Variants in NBPF11 observed in about 807,000 individuals in gnomAD.
The protein encoded by NBPF11 is NBPF member 11, also known as NBPF family member NBPF11.
A neutral mutation model predicts 93.9 loss-of-function variants in NBPF11; 72 were observed. The ratio of observed to expected loss-of-function variants is 0.77; its 90% confidence interval spans 0.63 to 0.93. NBPF11 has a LOEUF of 0.93. NBPF11 is among the 40% of genes least tolerant of loss of function. The pLI, the probability that NBPF11 is intolerant of heterozygous loss-of-function variation, is 0.00. For synonymous variants in NBPF11, 224 were observed against 304.9 expected, an observed-to-expected ratio of 0.73 and a Z score of 2.76; for missense variants, 705 against 802.2, an observed-to-expected ratio of 0.88 and a Z score of 1.46.
chr1:148,144,898 G>A (rs1672751384), intron 1 of NBPF11, among the ~76,000 whole-genome samples: 1 of 150,870 alleles, frequency 6.6e-6, no homozygotes, highest in Non-Finnish European at 1.5e-5. Flanking sequence ...GAGCCCAAGG[G>A]TTTGAGACCA....
At position 148,146,381 on chromosome 1, in the gene NBPF11, G is replaced by C. The variant is rs1342502989; in HGVS notation, c.-548-2695C>G. ...GGGGGCCCCGGTGGAGGCCCGGCCC[G>C]GGCGGCGCCCGCCATGAACGGGCTG... On this transcript the variant is annotated intron_variant, in intron 1 of 23. Coordinates refer to ENST00000682118, the MANE Select transcript of NBPF11 (RefSeq NM_001385469.3). The C allele has an allele frequency of 7.0e-5, 110 of 1,574,122 alleles. 1 individual carries two copies. In the Middle Eastern group the frequency reaches 1.1e-3, roughly 16 times the overall value.
intron 2 of NBPF11, among the ~76,000 whole-genome samples, chr1:148,139,212 C>T (rs1323260101): frequency 5.3e-5 from 8 of 150,870 alleles, no homozygotes; most frequent in Non-Finnish European, 8.8e-5. Flanking sequence ...CTTGTGCTCA[C>T]CAGACAAGGT....
chr1:148,138,028 G>A (rs28672749), intron 2 of NBPF11, among the ~76,000 whole-genome samples: 31 of 151,464 alleles, frequency 2.0e-4, no homozygotes, highest in African/African-American at 4.9e-4. Flanking sequence ...ATTATTGGGC[G>A]TTTCCGGAGA....
At chr1:148,142,046 CAGGGAGGGAGGG>C (rs1423716220) in intron 2 of NBPF11, among the ~76,000 whole-genome samples, 1 of 88,704 alleles carries the variant, frequency 1.1e-5, no homozygotes, top group South Asian at 3.9e-4. Context: ...GGAAGGAAGG[CAGGGAGGGAGGG>C]AGGAAGGGAG....
intron 2 of NBPF11, among the ~76,000 whole-genome samples, chr1:148,138,274 C>T (rs1476269859): frequency 1.3e-5 from 2 of 151,286 alleles, no homozygotes; most frequent in Non-Finnish European, 2.9e-5. Context: ...GGGCTTTACA[C>T]CGAGACATTC....
chr1:148,106,590 G>A lies in NBPF11; in HGVS notation c.2251+352C>T, dbSNP rs1174639747. On this transcript the variant is annotated intron_variant, in intron 20 of 23. Coordinates refer to ENST00000682118, the MANE Select transcript of NBPF11 (RefSeq NM_001385469.3). ...CTCATCAAATGCCCAGCTCGTTCAC[G>A]GATGCAAGAATTTTAGACACTGAAA... 6.4e-5 allele frequency among the ~76,000 whole-genome samples: 9 copies of A among 141,304 alleles called. 2 individuals are homozygous for A. Among genetic ancestry groups the A allele is most frequent in the Non-Finnish European group, 1.1e-4 (7 of 66,048 alleles). 92.7% of individuals were successfully genotyped at this position (141,304 alleles called of 152,430 possible). A position where few individuals can be genotyped will look rare whatever the true frequency, so the allele number is the denominator to read the frequency against.
Position 148,102,325 on chromosome 1 carries a change from C to G in NBPF11, c.*1571G>C, listed in dbSNP as rs1334627639. 1 of 151,834 alleles carries G rather than the reference C, an allele frequency of 6.6e-6. No homozygotes were observed. Among genetic ancestry groups the G allele is most frequent in the African/African-American group, 2.4e-5 (1 of 41,144 alleles). 9.4% of individuals were successfully genotyped at this position (151,834 alleles called of 1,614,324 possible). On this transcript the variant is annotated 3_prime_UTR_variant, in exon 24 of 24. Transcript: ENST00000682118. ...AGAGATATGAATATAATAATAGACA[C>G]AGGCAGGGAGGATTAATAAATGATA...
chr1:148,119,431 T>C (rs1667309978), intron 10 of NBPF11, among the ~76,000 whole-genome samples: 1 of 151,976 alleles, frequency 6.6e-6, no homozygotes, highest in African/African-American at 2.4e-5. Context: ...GTAGGTATTA[T>C]TGTAGTACCC....
At chr1:148,149,489 G>C (rs1337112675) in intron 1 of NBPF11, 6 of 1,592,480 alleles carry the variant, frequency 3.8e-6, no homozygotes, top group Non-Finnish European at 5.1e-6. Flanking sequence ...CGGGCACAAC[G>C]ACATCGAGCT....
intron 17 of NBPF11, 51 bp from the exon 18 acceptor site, chr1:148,108,705 C>A: frequency 1.3e-6 from 1 of 775,446 alleles, no homozygotes. Flanking sequence ...TCAGAAACCA[C>A]ACAGCCCCAG....
chr1:148,149,415 C>G (rs1647680583), intron 1 of NBPF11: 20 of 1,580,920 alleles, frequency 1.3e-5, no homozygotes, highest in East Asian at 2.3e-5. Context: ...ATCGACTTCT[C>G]GCACGGGCTG....
Position 148,105,470 on chromosome 1 carries a change from C to G in NBPF11, c.2362G>C (p.Val788Leu). ...EPEVLQDSLD[V>L]IQLLPVVLNS... Reference sequence around the variant, plus strand: ...AAGACAACTGGAAGGAGTTGAATAACATCCAGTGAGTCCTGCAAGACTTCA... The same window carrying G: ...AAGACAACTGGAAGGAGTTGAATAAGATCCAGTGAGTCCTGCAAGACTTCA... The change falls in exon 22 of 24, where the codon GTT becomes CTT. Residue 788 changes from valine (V) to leucine (L), a missense_variant. Transcript: ENST00000682118. 8.9e-7 allele frequency: 1 copy of G among 1,127,996 alleles called. No homozygotes were observed. The highest frequency in any genetic ancestry group is 1.3e-5 in the South Asian group (1 of 76,712). The allele number at this position is 1,127,996 out of a possible 1,614,324, so 69.9% of individuals were successfully genotyped here.
chr1:148,118,565 T>C (rs1571437309), intron 11 of NBPF11, 55 bp downstream of exon 11: 2 of 1,561,804 alleles, frequency 1.3e-6, no homozygotes, highest in East Asian at 2.2e-5. Flanking sequence ...TGAGCTACTG[T>C]ACTTCAGAGA....
rs1463291516 is a variant in NBPF11 at position 148,105,492 on chromosome 1, T to A, written c.2340A>T (p.Glu780Asp). ...TAACATCCAGTGAGTCCTGCAAGAC[T>A]TCAGGCTCTACTACCTCCAGCAGCT... ...SRELLEVVEP[E>D]VLQDSLDVIQ... is the part of the protein sequence containing the mutation. Residue 780 changes from glutamate (E) to aspartate (D), a missense_variant, in exon 22 of 24, where the codon GAA (glutamate) becomes GAT (aspartate). Physicochemically the swap from Glu to Asp is conservative, Grantham distance 45 (BLOSUM62 2). Transcript: ENST00000682118. 38 of 1,065,506 alleles carry A rather than the reference T, an allele frequency of 3.6e-5. 4 individuals are homozygous for A. The highest frequency in any genetic ancestry group is 6.6e-5 in the African/African-American group (3 of 45,472). 66.0% of individuals were successfully genotyped at this position (1,065,506 alleles called of 1,614,324 possible).
intron 4 of NBPF11, among the ~76,000 whole-genome samples, chr1:148,131,277 G>A (rs1471967620): frequency 1.3e-5 from 2 of 151,310 alleles, no homozygotes; most frequent in South Asian, 4.2e-4. Flanking sequence ...AATAACGAAG[G>A]CATTCTTAAC....
intron 4 of NBPF11, among the ~76,000 whole-genome samples, chr1:148,129,292 A>G (rs1159127114): frequency 2.0e-5 from 3 of 147,670 alleles, no homozygotes; most frequent in Admixed American, 6.8e-5. Context: ...TACAATATAT[A>G]TAACACGTGT....
At position 148,122,229 on chromosome 1, in the gene NBPF11, C is replaced by A; in HGVS notation, c.604G>T (p.Asp202Tyr). ...QKAEESKVPE[D>Y]SLEECAITCS... ...GTGATGGCACATTCCTCCAGTGAGT[C>A]CTCAGGGACTTTGCTCTCTTCAGCC... is the stretch of plus-strand genomic sequence containing the variant. Residue 202 changes from aspartate (D) to tyrosine (Y), a missense_variant, in exon 9 of 24, where the codon GAC (aspartate) becomes TAC (tyrosine). This residue lies in a region of NBPF11 where 262 missense variants were observed against 223.1 expected (regional missense o/e 1.17). Coordinates refer to ENST00000682118, the MANE Select transcript of NBPF11 (RefSeq NM_001385469.3). 2 of 1,611,976 alleles carry A rather than the reference C, an allele frequency of 1.2e-6. No individual in the cohort carries two copies. The highest frequency in any genetic ancestry group is 8.5e-7 in the Non-Finnish European group (1 of 1,179,706).
chr1:148,127,093 G>T (rs1669295595), intron 4 of NBPF11, 55 bp from the exon 5 acceptor site: 1 of 492,820 alleles, frequency 2.0e-6, no homozygotes, highest in Non-Finnish European at 3.4e-6. Context: ...AAATCAAATA[G>T]GTTTAATCAG....
At position 148,132,134 on chromosome 1, in the gene NBPF11, G is replaced by A. The variant is rs1381214326; in HGVS notation, c.-36+3538C>T. On this transcript the variant is annotated intron_variant, in intron 4 of 23. Coordinates refer to ENST00000682118, the MANE Select transcript of NBPF11 (RefSeq NM_001385469.3). Reference sequence around the variant, plus strand: ...TCTTATCAGACTGCAATATATATATGTGTGTGTGTGTATATATATATATAT... The same window carrying A: ...TCTTATCAGACTGCAATATATATATATGTGTGTGTGTATATATATATATAT... 8.0e-4 allele frequency among the ~76,000 whole-genome samples: 112 copies of A among 139,788 alleles called. 1 individual carries two copies. The highest frequency in any genetic ancestry group is 2.9e-3 in the African/African-American group (103 of 35,958). 91.7% of individuals were successfully genotyped at this position (139,788 alleles called of 152,430 possible). A position where few individuals can be genotyped will look rare whatever the true frequency, so the allele number is the denominator to read the frequency against.
Sources: allele counts gnomAD v4.1 joint callset (sites outside exome capture counted in the v4.1 genomes callset), GRCh38; gene constraint gnomAD v4.1.1; regional missense constraint gnomAD v4.1.1; transcripts MANE v1.5; gene names NCBI Gene and HGNC (gene_info 2026-07-23, HGNC 2026-07-21).